The following PLXDC2 variants were observed in gnomAD, a reference collection of about 807,000 sequenced individuals.
PLXDC2 encodes the protein plexin domain containing 2.
A neutral mutation model predicts 68.9 loss-of-function variants in PLXDC2; 40 were observed. The observed-to-expected ratio is 0.58, with a 90% CI of 0.45 to 0.76. The LOEUF (loss-of-function observed/expected upper bound fraction) is 0.76. PLXDC2 is among the 30% of genes least tolerant of loss of function. The pLI, the probability that PLXDC2 is intolerant of heterozygous loss-of-function variation, is 0.00. For synonymous variants in PLXDC2, 243 were observed against 234.2 expected (o/e 1.04, Z -0.34); for missense variants, 644 against 661.9 (o/e 0.97, Z 0.30).
At chr10:20,085,421 G>C (rs1251301563) in intron 4 of PLXDC2, among the ~76,000 whole-genome samples, 7 of 152,018 alleles carry the variant, frequency 4.6e-5, no homozygotes, top group Non-Finnish European at 1.0e-4. Flanking sequence ...AGGTGCTGAG[G>C]GTCAGTAACC....
At position 19,817,073 on chromosome 10, in the gene PLXDC2, C is replaced by T; in HGVS notation, c.-7C>T. The T allele has an allele frequency of 1.3e-6, 2 of 1,535,122 alleles. No homozygotes were observed. Among genetic ancestry groups the T allele is most frequent in the South Asian group, 1.2e-5 (1 of 82,862 alleles). On this transcript the variant is annotated 5_prime_UTR_variant, in exon 1 of 14. Coordinates refer to ENST00000377252, the MANE Select transcript of PLXDC2 (RefSeq NM_032812.9). ...GGCGGGTGGGGTAGGGAGGTGGCGG[C>T]GGCGGCATGGCGAGGTTCCCGAAGG...
intron 13 of PLXDC2, among the ~76,000 whole-genome samples, chr10:20,270,965 A>AG (rs1835932307): frequency 6.6e-6 from 1 of 151,750 alleles, no homozygotes; most frequent in South Asian, 2.1e-4. Context: ...CTGGAAAAAA[A>AG]AAAGGAATGG....
At chr10:20,156,424 C>T (rs1203091488) in intron 6 of PLXDC2, among the ~76,000 whole-genome samples, 1 of 151,840 alleles carries the variant, frequency 6.6e-6, no homozygotes, top group Non-Finnish European at 1.5e-5. Context: ...TGCGTTTTTT[C>T]CTTGAGGACT....
At chr10:19,957,901 G>A (rs1464074522) in intron 1 of PLXDC2, among the ~76,000 whole-genome samples, 1 of 152,050 alleles carries the variant, frequency 6.6e-6, no homozygotes, top group Non-Finnish European at 1.5e-5. Context: ...TAGAGTTTCA[G>A]TTTTATGCAG....
intron 4 of PLXDC2, among the ~76,000 whole-genome samples, chr10:20,085,190 T>A (rs1833174461): frequency 1.5e-5 from 2 of 130,226 alleles, no homozygotes; most frequent in South Asian, 5.7e-4. Context: ...GGGGAGCCTA[T>A]GTGATTTAGG....
intron 13 of PLXDC2, among the ~76,000 whole-genome samples, chr10:20,257,332 G>A (rs1835754241): frequency 6.6e-6 from 1 of 152,164 alleles, no homozygotes; most frequent in East Asian, 1.9e-4. Flanking sequence ...TGATTCCACA[G>A]TATTGTATAT....
At position 19,824,074 on chromosome 10, in the gene PLXDC2, C is replaced by T. The variant is rs561216226; in HGVS notation, c.112+6883C>T. Among the ~76,000 whole-genome samples, 104 of 152,140 alleles carry T rather than the reference C, an allele frequency of 6.8e-4. 1 individual carries two copies. The highest frequency in any genetic ancestry group is 2.3e-3 in the African/African-American group (97 of 41,514). On this transcript the variant is annotated intron_variant, in intron 1 of 13. Transcript: ENST00000377252. ...CAGGGAAGCAGATGAGGATATTCTG[C>T]AATACATTTCACGGTGTCTGCTCCC...
At chr10:20,255,705 T>G (rs2119355999) in intron 13 of PLXDC2, among the ~76,000 whole-genome samples, 1 of 152,206 alleles carries the variant, frequency 6.6e-6, no homozygotes, top group South Asian at 2.1e-4. Flanking sequence ...GTAAGAAAAT[T>G]AAAATGTAAA....
chr10:20,038,730 G>A (rs1005229710), intron 2 of PLXDC2, among the ~76,000 whole-genome samples: 7 of 152,080 alleles, frequency 4.6e-5, no homozygotes, highest in African/African-American at 1.7e-4. Flanking sequence ...GTGAAAGAAA[G>A]CTAAATACTA....
At chr10:20,093,817 G>T (rs1181915358) in intron 4 of PLXDC2, among the ~76,000 whole-genome samples, 2 of 152,068 alleles carry the variant, frequency 1.3e-5, no homozygotes, top group East Asian at 3.9e-4. Flanking sequence ...GGGACCAAAG[G>T]TTAGCACCAC....
At chr10:19,845,285 G>A (rs1836987249) in intron 1 of PLXDC2, among the ~76,000 whole-genome samples, 1 of 152,114 alleles carries the variant, frequency 6.6e-6, no homozygotes, top group Non-Finnish European at 1.5e-5. Flanking sequence ...CTGCAGCTTT[G>A]GAGAGACAAT....
At chr10:20,087,549 G>T (rs1833216606) in intron 4 of PLXDC2, among the ~76,000 whole-genome samples, 1 of 152,074 alleles carries the variant, frequency 6.6e-6, no homozygotes, top group South Asian at 2.1e-4. Context: ...ACCCTGAGTG[G>T]TTACAGATCC....
intron 1 of PLXDC2, among the ~76,000 whole-genome samples, chr10:19,860,205 C>T (rs753885591): frequency 7.6e-4 from 116 of 152,168 alleles, no homozygotes; most frequent in Admixed American, 2.8e-3. Flanking sequence ...CTTTGTCATG[C>T]AGGGTGCAGT....
At chr10:20,134,260 C>T (rs951413066) in intron 4 of PLXDC2, among the ~76,000 whole-genome samples, 6 of 152,162 alleles carry the variant, frequency 3.9e-5, no homozygotes, top group African/African-American at 1.4e-4. Flanking sequence ...TATCTTGATG[C>T]TATCATGTTT....
intron 13 of PLXDC2, among the ~76,000 whole-genome samples, chr10:20,261,186 A>T (rs1046821908): frequency 2.6e-5 from 4 of 152,208 alleles, no homozygotes; most frequent in Non-Finnish European, 5.9e-5. Context: ...TAGAAGCGTT[A>T]CAGTTTTATG....
intron 1 of PLXDC2, among the ~76,000 whole-genome samples, chr10:19,881,690 C>A (rs567998703): frequency 7.9e-5 from 12 of 152,206 alleles, no homozygotes; most frequent in African/African-American, 2.9e-4. Context: ...TGAAAAGGGT[C>A]AAAGAATTTC....
chr10:20,133,691 A>G (rs539094106), intron 4 of PLXDC2, among the ~76,000 whole-genome samples: 10 of 152,128 alleles, frequency 6.6e-5, no homozygotes, highest in Admixed American at 1.3e-4. Flanking sequence ...TGATCTCTTT[A>G]TGTCTAAACT....
At chr10:20,239,281 G>A (rs759562561) in intron 12 of PLXDC2, among the ~76,000 whole-genome samples, 1 of 152,102 alleles carries the variant, frequency 6.6e-6, no homozygotes, top group Non-Finnish European at 1.5e-5. Flanking sequence ...TCCTTCTCAC[G>A]TTTCTTTAAT....
intron 1 of PLXDC2, among the ~76,000 whole-genome samples, chr10:19,914,771 A>G (rs1270304658): frequency 2.0e-5 from 3 of 152,316 alleles, no homozygotes; most frequent in Non-Finnish European, 2.9e-5. Context: ...TACAATAGTC[A>G]AAGTCTAGTC....
Sources: gnomAD v4.1 joint callset for allele counts (sites outside exome capture counted in the v4.1 genomes callset) on GRCh38, gnomAD v4.1.1 for gene constraint, MANE v1.5 for transcripts, NCBI Gene and HGNC (gene_info 2026-07-23, HGNC 2026-07-21) for gene names.